The following NDST3 variants were observed in gnomAD, a reference collection of about 807,000 sequenced individuals.
NDST3 encodes the protein bifunctional heparan sulfate N-deacetylase/N-sulfotransferase 3.
Under a neutral mutation model 96.1 loss-of-function variants are expected in NDST3, and 58 were observed. That is an observed-to-expected ratio of 0.60 (90% confidence interval 0.49 to 0.75). NDST3 has a LOEUF of 0.75. Among genes scored for constraint, NDST3 ranks in the 30% least tolerant of loss-of-function variants. The pLI, the probability that NDST3 is intolerant of heterozygous loss-of-function variation, is 0.00. For missense variants in NDST3, 788 were observed against 1,034.2 expected, an observed-to-expected ratio of 0.76 and a Z score of 3.27; for synonymous variants, 333 against 359.7, an observed-to-expected ratio of 0.93 and a Z score of 0.84.
At chr4:118,048,430 G>A (rs1724891035) in intron 1 of NDST3, among the ~76,000 whole-genome samples, 1 of 151,994 alleles carries the variant, frequency 6.6e-6, no homozygotes. Flanking sequence ...GACACAGAGT[G>A]GCAAGCTAGA....
intron 2 of NDST3, among the ~76,000 whole-genome samples, chr4:118,103,643 C>G (rs1375872868): frequency 1.3e-5 from 2 of 152,108 alleles, no homozygotes; most frequent in African/African-American, 2.4e-5. Flanking sequence ...TCCTCCTCCC[C>G]CATCCAAACC....
chr4:118,136,028 A>T (rs1168983349), intron 4 of NDST3, among the ~76,000 whole-genome samples: 1 of 152,266 alleles, frequency 6.6e-6, no homozygotes, highest in African/African-American at 2.4e-5. Flanking sequence ...CTTTCATGCC[A>T]TGTGGGTTCT....
intron 2 of NDST3, among the ~76,000 whole-genome samples, chr4:118,071,897 C>A (rs148153595): frequency 2.8e-4 from 42 of 152,236 alleles, no homozygotes; most frequent in African/African-American, 1.0e-3. Context: ...TCTTTTCAAC[C>A]TCACCAGCAT....
At chr4:118,094,195 G>A (rs193139524) in intron 2 of NDST3, among the ~76,000 whole-genome samples, 23 of 151,942 alleles carry the variant, frequency 1.5e-4, no homozygotes, top group Non-Finnish European at 1.5e-5. Context: ...CCTAACAGCT[G>A]TTCTGATCTC....
intron 5 of NDST3, among the ~76,000 whole-genome samples, chr4:118,142,791 A>T (rs1399174125): frequency 1.3e-5 from 2 of 152,186 alleles, no homozygotes; most frequent in African/African-American, 4.8e-5. Context: ...TTCTTTTATA[A>T]TTGCAAAAGG....
chr4:118,252,331 T>C (rs1177430120), intron 12 of NDST3, among the ~76,000 whole-genome samples: 2 of 152,304 alleles, frequency 1.3e-5, no homozygotes, highest in East Asian at 3.9e-4. Context: ...GAGTCATGAC[T>C]TGAATATTGA....
At chr4:118,193,548 C>T (rs553690126) in intron 6 of NDST3, 48 of 1,011,208 alleles carry the variant, frequency 4.7e-5, no homozygotes, top group East Asian at 1.4e-4. Context: ...AACGTGTTGG[C>T]GTAGAGCGTC....
intron 1 of NDST3, among the ~76,000 whole-genome samples, chr4:118,048,664 G>A (rs926904320): frequency 6.6e-5 from 10 of 151,920 alleles, no homozygotes; most frequent in Admixed American, 2.0e-4. Context: ...AGTACAATCC[G>A]ACAACAAGAC....
intron 2 of NDST3, among the ~76,000 whole-genome samples, chr4:118,088,061 C>T (rs749105222): frequency 6.6e-6 from 1 of 151,978 alleles, no homozygotes; most frequent in African/African-American, 2.4e-5. Flanking sequence ...ATAAGTGGAA[C>T]AGCTGGCAAT....
rs1436088207 is a variant in NDST3, at chr4:118,169,175, A to G, written c.1539+25491A>G. Among the ~76,000 whole-genome samples the G allele has an allele frequency of 2.6e-5, 4 of 152,176 alleles. No homozygotes were observed. The East Asian group carries it at 7.7e-4, about 29-fold the overall frequency. On this transcript the variant is annotated intron_variant, in intron 6 of 13. Coordinates refer to ENST00000296499, the MANE Select transcript of NDST3 (RefSeq NM_004784.3). ...AAGAACTTTTAAAATATCTTTTTGTATTCTTAATCTAATGAAGAAATAATC... is the reference window on the plus strand; with the variant it reads ...AAGAACTTTTAAAATATCTTTTTGTGTTCTTAATCTAATGAAGAAATAATC...
intron 4 of NDST3, among the ~76,000 whole-genome samples, chr4:118,136,137 A>G (rs1275798541): frequency 6.6e-6 from 1 of 152,188 alleles, no homozygotes; most frequent in Non-Finnish European, 1.5e-5. Context: ...TTTATAACAT[A>G]GCTCTTGTCA....
intron 6 of NDST3, among the ~76,000 whole-genome samples, chr4:118,182,842 C>A (rs957598574): frequency 1.3e-5 from 2 of 152,216 alleles, no homozygotes; most frequent in Non-Finnish European, 2.9e-5. Context: ...CTGGTAAGAA[C>A]TACAAATCCA....
intron 2 of NDST3, among the ~76,000 whole-genome samples, chr4:118,091,915 T>G (rs1728900497): frequency 6.6e-6 from 1 of 151,754 alleles, no homozygotes; most frequent in Non-Finnish European, 1.5e-5. Context: ...TTATACATAC[T>G]TATGATGACT....
Position 118,054,644 on chromosome 4 carries a change from C to A in NDST3, c.734C>A (p.Ser245Tyr). 6.2e-7 allele frequency: 1 copy of A among 1,613,236 alleles called. No individual in the cohort carries two copies. The highest frequency in any genetic ancestry group is 8.5e-7 in the Non-Finnish European group (1 of 1,179,438). The change falls in exon 2 of 14, where the codon TCT (serine) becomes TAT (tyrosine). Residue 245 changes from serine (S) to tyrosine (Y), a missense_variant. This residue lies in a region of NDST3 where 490 missense variants were observed against 708.8 expected (regional missense o/e 0.69). Transcript: ENST00000296499. ...AAAGTAAAGACCCCAGAAAACCTTT[C>A]TCCTTCCATCTCTAAAGGTGCTTTT... Reference protein sequence around the residue: ...FAKVKTPENLSPSISKGAFYA... With the variant: ...FAKVKTPENLYPSISKGAFYA...
intron 4 of NDST3, among the ~76,000 whole-genome samples, chr4:118,127,043 G>A (rs1248226697): frequency 1.4e-5 from 2 of 146,946 alleles, no homozygotes; most frequent in African/African-American, 4.9e-5. Flanking sequence ...TTCAGATTAC[G>A]AGATTTTTTA....
At chr4:118,242,212 C>G in intron 12 of NDST3, 63 bp downstream of exon 12, 1 of 1,154,570 alleles carries the variant, frequency 8.7e-7, no homozygotes, top group South Asian at 1.4e-5. Context: ...AAAGAAATTG[C>G]AGTTTGGTCA....
intron 6 of NDST3, among the ~76,000 whole-genome samples, chr4:118,162,147 A>G (rs573953285): frequency 6.6e-6 from 1 of 152,180 alleles, no homozygotes; most frequent in African/African-American, 2.4e-5. Context: ...GGTAGGAAGA[A>G]TCAATATCAT....
chr4:118,181,755 C>T (rs141614404), intron 6 of NDST3, among the ~76,000 whole-genome samples: 2 of 152,220 alleles, frequency 1.3e-5, no homozygotes, highest in Non-Finnish European at 2.9e-5. Context: ...CAGAGATTCA[C>T]CTAAGTCACA....
At chr4:118,194,528 T>C (rs1737536914) in intron 6 of NDST3, 1 of 722,538 alleles carries the variant, frequency 1.4e-6, no homozygotes, top group Non-Finnish European at 2.6e-6. Context: ...AAAGGAGAAT[T>C]TGTCCTTGTG....
Sources: allele counts gnomAD v4.1 joint callset (sites outside exome capture counted in the v4.1 genomes callset), GRCh38; gene constraint gnomAD v4.1.1; regional missense constraint gnomAD v4.1.1; transcripts MANE v1.5; gene names NCBI Gene and HGNC (gene_info 2026-07-23, HGNC 2026-07-21).